The following PLEKHG1 variants were observed in gnomAD, a reference collection of about 807,000 sequenced individuals.
PLEKHG1 encodes pleckstrin homology and RhoGEF domain containing G1.
In PLEKHG1, 44 loss-of-function variants were observed where a neutral mutation model predicts 100.8. That is an observed-to-expected ratio of 0.44 (90% CI 0.34 to 0.56). The LOEUF (loss-of-function observed/expected upper bound fraction) is 0.56. PLEKHG1 is among the 20% of genes least tolerant of loss of function. The pLI, the probability that PLEKHG1 is intolerant of heterozygous loss-of-function variation, is 0.01. For synonymous variants in PLEKHG1, 640 were observed against 662.5 expected, an observed-to-expected ratio of 0.97 and a Z score of 0.52; for missense variants, 1,545 against 1,720.9, an observed-to-expected ratio of 0.90 and a Z score of 1.81.
rs181366126 is a variant in PLEKHG1, at chr6:150,833,067, G to C, written c.3094+862G>C. ...AATTTTTTTTTTTTTTTTTGAGATA[G>C]GGTCTGGCTCTGTCACCCAGGCAGG... On this transcript the variant is annotated intron_variant, in intron 15 of 15. Coordinates refer to ENST00000358517, the Ensembl canonical transcript of PLEKHG1. 1.4e-4 allele frequency among the ~76,000 whole-genome samples: 21 copies of C among 145,792 alleles called. No individual in the cohort carries two copies. In the East Asian group the frequency reaches 3.8e-3, roughly 27 times the overall value.
chr6:150,840,214 A>G, exon 16 of PLEKHG1: 1 of 1,614,248 alleles, frequency 6.2e-7, no homozygotes, highest in Non-Finnish European at 8.5e-7. Flanking sequence ...AACTGGTGTC[A>G]GGACCATCTT....
chr6:150,757,733 G>A (rs913686664), intron 2 of PLEKHG1, among the ~76,000 whole-genome samples: 3 of 152,114 alleles, frequency 2.0e-5, no homozygotes, highest in Admixed American at 1.3e-4. Flanking sequence ...GTACATGTGC[G>A]GGATGTGCAG....
intron 3 of PLEKHG1, among the ~76,000 whole-genome samples, chr6:150,770,986 C>A (rs1012348977): frequency 1.3e-5 from 2 of 152,154 alleles, no homozygotes; most frequent in African/African-American, 4.8e-5. Context: ...GACTCCAAAC[C>A]CCAGGCATTC....
At chr6:150,755,898 T>A (rs1407537265) in intron 2 of PLEKHG1, among the ~76,000 whole-genome samples, 1 of 152,196 alleles carries the variant, frequency 6.6e-6, no homozygotes, top group Non-Finnish European at 1.5e-5. Flanking sequence ...AATTTTTAAT[T>A]TAAAAAAATT....
At chr6:150,731,987 ACT>A (rs10590876) in intron 1 of PLEKHG1, among the ~76,000 whole-genome samples, 17 of 127,388 alleles carry the variant, frequency 1.3e-4, no homozygotes, top group Admixed American at 8.2e-4. Flanking sequence ...TTTGAGACGG[ACT>A]CTCTCTCTGT....
At chr6:150,765,217 G>T (rs1219766724) in intron 2 of PLEKHG1, among the ~76,000 whole-genome samples, 1 of 152,180 alleles carries the variant, frequency 6.6e-6, no homozygotes, top group Non-Finnish European at 1.5e-5. Context: ...TCAGGGCCAG[G>T]TGCAGTGGCT....
Position 150,611,682 on chromosome 6 carries a change from G to A in PLEKHG1, c.-204+11665G>A, listed in dbSNP as rs1174086474. ...CAAAAATTAGCCGGGCATGGTGGTG[G>A]GTGCCTGTAGTCCCAGCTACTTGGG... On this transcript the variant is annotated intron_variant, in intron 1 of 3. Coordinates refer to the PLEKHG1 transcript ENST00000367326. 2.6e-5 allele frequency among the ~76,000 whole-genome samples: 4 copies of A among 152,130 alleles called. No individual in the cohort carries two copies. The East Asian group carries it at 7.7e-4, about 29-fold the overall frequency.
chr6:150,762,215 A>G (rs1269475734), intron 2 of PLEKHG1, among the ~76,000 whole-genome samples: 1 of 126,500 alleles, frequency 7.9e-6, no homozygotes, highest in Admixed American at 8.2e-5. Context: ...TTTTTTTTTG[A>G]GTCTCACTCT....
At chr6:150,728,694 G>A (rs1030136895) in intron 1 of PLEKHG1, among the ~76,000 whole-genome samples, 4 of 151,234 alleles carry the variant, frequency 2.6e-5, no homozygotes, top group South Asian at 2.1e-4. Context: ...TCAGGAGTTC[G>A]AGACCAGCCT....
At chr6:150,718,441 C>G (rs983816061), upstream of PLEKHG1, among the ~76,000 whole-genome samples, 5 of 149,296 alleles carry the variant, frequency 3.3e-5, no homozygotes, top group Non-Finnish European at 5.9e-5. Context: ...GACCATTGCT[C>G]AATAAATGGA....
intron 4 of PLEKHG1, among the ~76,000 whole-genome samples, chr6:150,792,462 C>T (rs912422587): frequency 7.9e-5 from 12 of 151,164 alleles, no homozygotes; most frequent in Non-Finnish European, 1.6e-4. Context: ...CACCTGAAGT[C>T]GGGAGTTCGA....
chr6:150,817,085 C>T (rs1049998815), intron 10 of PLEKHG1, among the ~76,000 whole-genome samples: 1 of 152,230 alleles, frequency 6.6e-6, no homozygotes, highest in Non-Finnish European at 1.5e-5. Flanking sequence ...TCCTAACAGG[C>T]TACGAACTAG....
intron 3 of PLEKHG1, among the ~76,000 whole-genome samples, chr6:150,671,684 G>T (rs546504589): frequency 9.9e-4 from 151 of 152,330 alleles, no homozygotes; most frequent in African/African-American, 3.5e-3. Context: ...TTAAATTGTG[G>T]TCAGTGCTAT....
chr6:150,716,304 C>T (rs1364382920), upstream of PLEKHG1, among the ~76,000 whole-genome samples: 1 of 152,164 alleles, frequency 6.6e-6, no homozygotes, highest in African/African-American at 2.4e-5. Flanking sequence ...GGCCACACCT[C>T]CTCCAGGGTT....
At chr6:150,711,520 T>C (rs1026688838) in intron 3 of PLEKHG1, among the ~76,000 whole-genome samples, 1 of 152,210 alleles carries the variant, frequency 6.6e-6, no homozygotes, top group African/African-American at 2.4e-5. Flanking sequence ...GGATGGGATG[T>C]CTGGTAACTA....
At chr6:150,673,458 G>C (rs767545359) in intron 3 of PLEKHG1, among the ~76,000 whole-genome samples, 1 of 152,166 alleles carries the variant, frequency 6.6e-6, no homozygotes, top group African/African-American at 2.4e-5. Context: ...GGCAATGCTT[G>C]CTTTCGAATC....
intron 1 of PLEKHG1, among the ~76,000 whole-genome samples, chr6:150,732,952 A>G (rs6912876): frequency 0.19 from 28,494 of 152,166 alleles, 4,268 homozygotes; most frequent in African/African-American, 0.41. Context: ...CTTGCCTAGT[A>G]TTAGAAAATT....
rs1554276244 is a variant in PLEKHG1, at chr6:150,804,175, ATTTTTT to A, written c.781-412_781-407del. Among the ~76,000 whole-genome samples, 11 of 43,166 alleles carry A rather than the reference ATTTTTT, an allele frequency of 2.5e-4. No homozygotes were observed. The South Asian group carries it at 4.6e-3, about 18-fold the overall frequency. The allele number at this position is 43,166 out of a possible 152,430, so 28.3% of individuals were successfully genotyped here. A position where few individuals can be genotyped will look rare whatever the true frequency, so the allele number is the denominator to read the frequency against. On this transcript the variant is annotated intron_variant, in intron 6 of 15. Transcript: ENST00000358517. ...ATATTTTATATATATATATATATAT[ATTTTTT>A]TTTTTTTTTTTTTTTTTTTTTTCGA... is the stretch of plus-strand genomic sequence containing the variant.
chr6:150,745,601 T>C (rs1315095784), intron 2 of PLEKHG1, among the ~76,000 whole-genome samples: 2 of 151,428 alleles, frequency 1.3e-5, no homozygotes, highest in African/African-American at 4.9e-5. Flanking sequence ...GAGAATCGCT[T>C]GAACCTGGGA....
Sources: allele counts gnomAD v4.1 joint callset (sites outside exome capture counted in the v4.1 genomes callset), GRCh38; gene constraint gnomAD v4.1.1; transcripts MANE v1.5; gene names NCBI Gene and HGNC (gene_info 2026-07-23, HGNC 2026-07-21).